Variants in GEN1 observed in about 807,000 individuals in gnomAD.
GEN1 encodes the protein GEN1 structure-specific endonuclease, also known as flap endonuclease GEN homolog 1.
In GEN1, 64 loss-of-function variants were observed where a neutral mutation model predicts 67.6. That is an observed-to-expected ratio of 0.95 (90% CI 0.77 to 1.17). The LOEUF (loss-of-function observed/expected upper bound fraction) is 1.17. Ranked by LOEUF, GEN1 falls within the 50% of genes most tolerant of loss-of-function variation. The pLI, the probability that GEN1 is intolerant of heterozygous loss-of-function variation, is 0.00. For missense variants in GEN1, 1,058 were observed against 1,048.3 expected (o/e 1.01, Z -0.13); for synonymous variants, 371 against 359.4 (o/e 1.03, Z -0.37).
In GEN1 at chr2:17,759,952, G is replaced by A. The variant is rs748705786; in HGVS notation, c.9G>A (p.Val3=). The change falls in exon 2 of 14, where the codon GTG becomes GTA. Residue 3 remains valine, a synonymous_variant. Coordinates refer to ENST00000381254, the MANE Select transcript of GEN1 (RefSeq NM_001130009.3). MG[V]NDLWQILEPV... ...AGCAGATAATCACCAGAATGGGAGT[G>A]AATGACTTGTGGCAAATTTTGGAGC... 4 of 1,613,894 alleles carry A rather than the reference G, an allele frequency of 2.5e-6. No homozygotes were observed. In the South Asian group the frequency reaches 3.3e-5, roughly 13 times the overall value.
intron 1 of GEN1, among the ~76,000 whole-genome samples, chr2:17,759,253 T>G (rs561903729): frequency 1.3e-5 from 2 of 152,302 alleles, no homozygotes; most frequent in East Asian, 3.9e-4. Context: ...AGATGTATAA[T>G]AAGGAAAAGC....
intron 5 of GEN1, among the ~76,000 whole-genome samples, chr2:17,767,571 A>C (rs1671988723): frequency 6.6e-6 from 1 of 152,196 alleles, no homozygotes; most frequent in Non-Finnish European, 1.5e-5. Flanking sequence ...AAATACCACA[A>C]ACCATTATTT....
intron 12 of GEN1, among the ~76,000 whole-genome samples, chr2:17,778,430 GTA>G (rs1190324781): frequency 2.4e-5 from 2 of 84,230 alleles, no homozygotes; most frequent in African/African-American, 8.4e-5. Context: ...GTACATATAT[GTA>G]TATACACACA....
intron 2 of GEN1, among the ~76,000 whole-genome samples, chr2:17,760,389 T>G (rs1468054159): frequency 6.6e-6 from 1 of 152,182 alleles, no homozygotes; most frequent in African/African-American, 2.4e-5. Context: ...TCTCCCTATT[T>G]TACTTCTCTC....
At chr2:17,778,146 A>T in intron 12 of GEN1, 83 bp downstream of exon 12, 1 of 577,986 alleles carries the variant, frequency 1.7e-6, no homozygotes, top group Non-Finnish European at 3.1e-6. Flanking sequence ...GTGTATATAT[A>T]TATATATACA....
At chr2:17,768,049 A>T (rs2125134645) in intron 5 of GEN1, among the ~76,000 whole-genome samples, 1 of 152,274 alleles carries the variant, frequency 6.6e-6, no homozygotes, top group Admixed American at 6.5e-5. Context: ...GCAGGCAGAT[A>T]CTCAGAATGC....
chr2:17,780,589 A>G (rs1215414681), intron 13 of GEN1, 32 bp from the exon 14 acceptor site: 1 of 1,335,412 alleles, frequency 7.5e-7, no homozygotes, highest in Non-Finnish European at 1.0e-6. Context: ...AAGAAAATAA[A>G]TGTTGATTAT....
chr2:17,782,020 G>A lies in GEN1; in HGVS notation c.*81G>A. 2.6e-6 allele frequency: 2 copies of A among 758,924 alleles called. No homozygotes were observed. Among genetic ancestry groups the A allele is most frequent in the Non-Finnish European group, 4.2e-6 (2 of 476,020 alleles). The allele number at this position is 758,924 out of a possible 1,614,324, so 47.0% of individuals were successfully genotyped here. On this transcript the variant is annotated 3_prime_UTR_variant, in exon 14 of 14. Transcript: ENST00000381254. ...GACAGAGGGAAGGTATCTAGTTCAT[G>A]TGTGGTAAAAATTTTAATGTTCTCT... is the stretch of plus-strand genomic sequence containing the variant.
At chr2:17,769,993 C>G (rs1419088115) in intron 6 of GEN1, among the ~76,000 whole-genome samples, 1 of 152,134 alleles carries the variant, frequency 6.6e-6, no homozygotes, top group Non-Finnish European at 1.5e-5. Context: ...TATGATACTT[C>G]TCTTTTAGCT....
intron 12 of GEN1, 96 bp downstream of exon 12, chr2:17,778,159 CACACATAG>C (rs1672536260): frequency 1.8e-6 from 1 of 544,730 alleles, no homozygotes; most frequent in South Asian, 1.9e-5. Context: ...TATATACACA[CACACATAG>C]ATATGTGTAT....
chr2:17,762,332 G>C (rs1422681213), intron 3 of GEN1, among the ~76,000 whole-genome samples: 2 of 150,670 alleles, frequency 1.3e-5, no homozygotes, highest in African/African-American at 4.9e-5. Context: ...CTCCCGAGTA[G>C]CTGGGACTAC....
intron 7 of GEN1, among the ~76,000 whole-genome samples, chr2:17,771,857 G>T (rs1164897902): frequency 6.6e-6 from 1 of 150,452 alleles, no homozygotes; most frequent in East Asian, 1.9e-4. Flanking sequence ...AAGAGATTAG[G>T]ATATCATGTT....
At chr2:17,759,412 T>C (rs748506391) in intron 1 of GEN1, among the ~76,000 whole-genome samples, 3 of 152,232 alleles carry the variant, frequency 2.0e-5, no homozygotes, top group Non-Finnish European at 4.4e-5. Context: ...TTTTTTCTTT[T>C]TCTACAATGA....
chr2:17,780,428 CAGTG>C (rs1416157693), intron 13 of GEN1, among the ~76,000 whole-genome samples, 189 bp from the exon 14 acceptor site: 1 of 152,136 alleles, frequency 6.6e-6, no homozygotes, highest in African/African-American at 2.4e-5. Context: ...TCCCAGAACT[CAGTG>C]AGGAAAACAA....
rs574822115 is a variant in GEN1, at chr2:17,784,836, A to T, written c.*2897A>T. ...TCTTGAGATTGTATGAGATGAAAATAACAAAATTAGTTGGGAGTGGCCAGT... is the reference window on the plus strand; with the variant it reads ...TCTTGAGATTGTATGAGATGAAAATTACAAAATTAGTTGGGAGTGGCCAGT... On this transcript the variant is annotated 3_prime_UTR_variant, in exon 14 of 14. Coordinates refer to ENST00000381254, the MANE Select transcript of GEN1 (RefSeq NM_001130009.3). 2 of 152,208 alleles carry T rather than the reference A, an allele frequency of 1.3e-5. No individual in the cohort carries two copies. Among genetic ancestry groups the T allele is most frequent in the African/African-American group, 4.8e-5 (2 of 41,448 alleles). 9.4% of individuals were successfully genotyped at this position (152,208 alleles called of 1,614,324 possible).
rs1056989246 is a variant in GEN1 at position 17,785,917 on chromosome 2, A to G, written c.*3978A>G. On this transcript the variant is annotated 3_prime_UTR_variant, in exon 14 of 14. Coordinates refer to ENST00000381254, the MANE Select transcript of GEN1 (RefSeq NM_001130009.3). ...AAAAAATTAAAATTTAAATTAAAAA[A>G]AAATATACAATCTCCGTCTTCTAGA... is the stretch of plus-strand genomic sequence containing the variant. 1.5e-4 allele frequency: 23 copies of G among 152,222 alleles called. No homozygotes were observed. The highest frequency in any genetic ancestry group is 5.5e-4 in the African/African-American group (23 of 41,462). The allele number at this position is 152,222 out of a possible 1,614,324, so 9.4% of individuals were successfully genotyped here.
At chr2:17,762,151 A>T (rs1341372687) in intron 3 of GEN1, among the ~76,000 whole-genome samples, 1 of 150,058 alleles carries the variant, frequency 6.7e-6, no homozygotes, top group Non-Finnish European at 1.5e-5. Context: ...CATCTATAGT[A>T]TATAATTAAA....
rs906277612 is a variant in GEN1, at chr2:17,788,032, C to T, written c.*6093C>T. 7 of 152,316 alleles carry T rather than the reference C, an allele frequency of 4.6e-5. No individual in the cohort carries two copies. Among genetic ancestry groups the T allele is most frequent in the African/African-American group, 1.7e-4 (7 of 41,576 alleles). 9.4% of individuals were successfully genotyped at this position (152,316 alleles called of 1,614,324 possible). On this transcript the variant is annotated 3_prime_UTR_variant, in exon 14 of 14. Coordinates refer to ENST00000381254, the MANE Select transcript of GEN1 (RefSeq NM_001130009.3). ...CTCTGTGGAGAGAGACCAAATCTAA[C>T]CGGGTGGATTAGCTTGATACCTAGT... is the stretch of plus-strand genomic sequence containing the variant.
chr2:17,777,954 C>T, intron 11 of GEN1, 48 bp from the exon 12 acceptor site: 1 of 1,084,322 alleles, frequency 9.2e-7, no homozygotes, highest in Non-Finnish European at 1.4e-6. Context: ...TGGAAAATTT[C>T]CAAATATCTT....
Sources: allele counts gnomAD v4.1 joint callset (sites outside exome capture counted in the v4.1 genomes callset), GRCh38; gene constraint gnomAD v4.1.1; transcripts MANE v1.5; gene names NCBI Gene and HGNC (gene_info 2026-07-23, HGNC 2026-07-21).